SLC36A4: variants seen among roughly 807,000 people sequenced by gnomAD.
SLC36A4 encodes the protein solute carrier family 36 member 4, also known as neutral amino acid uniporter 4.
Under a neutral mutation model 50.5 loss-of-function variants are expected in SLC36A4, and 49 were observed. The observed-to-expected ratio is 0.97, with a 90% CI of 0.77 to 1.23. The LOEUF is 1.23. Among genes scored for constraint, SLC36A4 ranks in the 50% most tolerant of loss-of-function variants. SLC36A4 has a pLI of 0.00. For missense variants in SLC36A4, 611 were observed against 608.4 expected (o/e 1.00, Z -0.05); for synonymous variants, 207 against 206.5 (o/e 1.00, Z -0.02).
At chr11:93,149,509 A>C (rs1031176038) in intron 10 of SLC36A4, among the ~76,000 whole-genome samples, 1 of 152,048 alleles carries the variant, frequency 6.6e-6, no homozygotes, top group Non-Finnish European at 1.5e-5. Context: ...CCAATAAGAC[A>C]CTGATACTAT....
At chr11:93,176,413 C>G (rs1314341311) in intron 6 of SLC36A4, among the ~76,000 whole-genome samples, 1 of 152,154 alleles carries the variant, frequency 6.6e-6, no homozygotes, top group African/African-American at 2.4e-5. Flanking sequence ...ATTTGCCAGT[C>G]TATGTCTTTT....
At chr11:93,168,589 C>T (rs572693255) in intron 6 of SLC36A4, among the ~76,000 whole-genome samples, 7 of 151,952 alleles carry the variant, frequency 4.6e-5, no homozygotes, top group Admixed American at 2.0e-4. Flanking sequence ...AGCTTATTTT[C>T]TTCAGATAGG....
chr11:93,153,822 A>C (rs1402157826), intron 10 of SLC36A4: 1 of 171,070 alleles, frequency 5.8e-6, no homozygotes, highest in African/African-American at 2.4e-5. Flanking sequence ...CAGAAATGGA[A>C]GGGGTCCCAT....
intron 6 of SLC36A4, chr11:93,171,721 T>C (rs1408819703): frequency 6.6e-6 from 1 of 152,080 alleles, no homozygotes; most frequent in Non-Finnish European, 1.5e-5. Context: ...CATCATATTA[T>C]ATATAAATAA....
At chr11:93,182,680 C>T (rs1291631605) in intron 4 of SLC36A4, 126 bp downstream of exon 4, 1 of 539,148 alleles carries the variant, frequency 1.9e-6, no homozygotes, top group Non-Finnish European at 3.2e-6. Context: ...CTTCCATATT[C>T]ATTACCTTAG....
In SLC36A4 at chr11:93,180,735, T is replaced by C. The variant is rs909016257; in HGVS notation, c.540+62A>G. The C allele has an allele frequency of 7.6e-5, 83 of 1,092,096 alleles. No homozygotes were observed. In the African/African-American group the frequency reaches 1.2e-3, roughly 15 times the overall value. 67.7% of individuals were successfully genotyped at this position (1,092,096 alleles called of 1,614,324 possible). A position where few individuals can be genotyped will look rare whatever the true frequency, so the allele number is the denominator to read the frequency against. ...TCAACTGTGGCTTCCACAGAAGATA[T>C]ATGAAGCCATAACTAGGGCTTTAGA... On this transcript the variant is annotated intron_variant, in intron 6 of 10. Transcript: ENST00000326402.
At chr11:93,167,902 A>G (rs1272868554) in intron 7 of SLC36A4, 42 bp downstream of exon 7, 2 of 1,355,138 alleles carry the variant, frequency 1.5e-6, no homozygotes, top group Admixed American at 2.2e-5. Context: ...TTTTACTTAC[A>G]TAAGAAAGAT....
rs1862291358 is a variant in SLC36A4 at position 93,193,303 on chromosome 11, T to C, written c.55+4475A>G. On this transcript the variant is annotated intron_variant, in intron 1 of 10. Coordinates refer to ENST00000326402, the MANE Select transcript of SLC36A4 (RefSeq NM_152313.4). The stretch of plus-strand genomic sequence containing the variant: ...CATAGTAAACAGAGTTAAGAATATA[T>C]GAAATAAAAACTGACACCCCAAAGG... 1.3e-5 allele frequency among the ~76,000 whole-genome samples: 2 copies of C among 152,034 alleles called. 1 individual carries two copies. The highest frequency in any genetic ancestry group is 4.1e-4 in the South Asian group (2 of 4,826).
rs1158063020 is a variant in SLC36A4, at chr11:93,146,987, A to G, written c.*1550T>C. Reference sequence around the variant, plus strand: ...TCTTGTATATATTTATTGTTGTTTTAGTTTTTAAGAGTTGGGATCTCCCTC... The same window carrying G: ...TCTTGTATATATTTATTGTTGTTTTGGTTTTTAAGAGTTGGGATCTCCCTC... On this transcript the variant is annotated 3_prime_UTR_variant, in exon 11 of 11. Transcript: ENST00000326402. 2 of 151,988 alleles carry G rather than the reference A, an allele frequency of 1.3e-5. No individual in the cohort carries two copies. The highest frequency in any genetic ancestry group is 3.9e-4 in the East Asian group (2 of 5,170). The allele number at this position is 151,988 out of a possible 1,614,324, so 9.4% of individuals were successfully genotyped here.
chr11:93,175,296 C>G (rs1391560929), intron 6 of SLC36A4, among the ~76,000 whole-genome samples: 1 of 151,714 alleles, frequency 6.6e-6, no homozygotes, highest in African/African-American at 2.4e-5. Flanking sequence ...TGATGATATC[C>G]CCTTTATCAT....
At chr11:93,150,359 A>G (rs1860026311) in intron 10 of SLC36A4, among the ~76,000 whole-genome samples, 1 of 151,932 alleles carries the variant, frequency 6.6e-6, no homozygotes, top group Admixed American at 6.6e-5. Context: ...TTAATTTTCA[A>G]TTTATGACGT....
chr11:93,181,234 T>C (rs1861720151), intron 5 of SLC36A4, among the ~76,000 whole-genome samples: 1 of 152,050 alleles, frequency 6.6e-6, no homozygotes, highest in African/African-American at 2.4e-5. Context: ...TACATTTAAG[T>C]AACAAGACAA....
At chr11:93,153,359 C>T (rs1303077547) in intron 10 of SLC36A4, among the ~76,000 whole-genome samples, 1 of 152,038 alleles carries the variant, frequency 6.6e-6, no homozygotes, top group Non-Finnish European at 1.5e-5. Context: ...TAACTTCCAG[C>T]TATTAATACT....
intron 6 of SLC36A4, chr11:93,180,140 A>C: frequency 1.0e-6 from 1 of 968,250 alleles, no homozygotes; most frequent in Non-Finnish European, 1.2e-6. Context: ...TAAAATAATG[A>C]TTAAAGAAGA....
At chr11:93,160,102 A>C in intron 9 of SLC36A4, 1 of 985,380 alleles carries the variant, frequency 1.0e-6, no homozygotes, top group Non-Finnish European at 1.2e-6. Context: ...TGATTATTCT[A>C]GTCCAAACTT....
At chr11:93,186,887 T>G (rs1445797367) in intron 1 of SLC36A4, among the ~76,000 whole-genome samples, 2 of 152,182 alleles carry the variant, frequency 1.3e-5, no homozygotes, top group Non-Finnish European at 2.9e-5. Context: ...TCCCAAAGTT[T>G]CCCACTCAGT....
rs1028421166 is a variant in SLC36A4, at chr11:93,148,438, T to A, written c.*99A>T. The stretch of plus-strand genomic sequence containing the variant: ...TAATATCGTGCCAAAGAAAACAGAG[T>A]TTGTTACCATTTTTATGTATATAGC... On this transcript the variant is annotated 3_prime_UTR_variant, in exon 11 of 11. Transcript: ENST00000326402. 1.7e-4 allele frequency: 174 copies of A among 1,042,654 alleles called. 1 individual carries two copies. The African/African-American group carries it at 2.6e-3, about 16-fold the overall frequency. 64.6% of individuals were successfully genotyped at this position (1,042,654 alleles called of 1,614,324 possible).
intron 1 of SLC36A4, among the ~76,000 whole-genome samples, chr11:93,188,045 C>T (rs898980113): frequency 3.3e-5 from 5 of 152,274 alleles, no homozygotes; most frequent in African/African-American, 9.6e-5. Flanking sequence ...GTTTCCTGCT[C>T]CCCGCTCTTC....
At position 93,181,938 on chromosome 11, in the gene SLC36A4, T is replaced by C. The variant is rs1162330898; in HGVS notation, c.360-152A>G. 6.7e-6 allele frequency: 4 copies of C among 595,874 alleles called. No individual in the cohort carries two copies. In the East Asian group the frequency reaches 1.4e-4, roughly 20 times the overall value. 36.9% of individuals were successfully genotyped at this position (595,874 alleles called of 1,614,324 possible). ...AGTTACCAAAATGTCAAGATCTGCATACTTCTAAAGCATGCCTCATAAAGT... is the reference window on the plus strand; with the variant it reads ...AGTTACCAAAATGTCAAGATCTGCACACTTCTAAAGCATGCCTCATAAAGT... On this transcript the variant is annotated intron_variant, in intron 4 of 10. Transcript: ENST00000326402.
Sources: gnomAD v4.1 joint callset for allele counts (sites outside exome capture counted in the v4.1 genomes callset) on GRCh38, gnomAD v4.1.1 for gene constraint, MANE v1.5 for transcripts, NCBI Gene and HGNC (gene_info 2026-07-23, HGNC 2026-07-21) for gene names.